Variants in RBFOX1 observed in about 807,000 individuals in gnomAD.
RBFOX1 encodes RNA binding protein fox-1 homolog 1.
A neutral mutation model predicts 57.7 loss-of-function variants in RBFOX1; 8 were observed. That is an observed-to-expected ratio of 0.14 (90% CI 0.08 to 0.25). The LOEUF is 0.25. Ranked by LOEUF, RBFOX1 falls within the 10% of genes least tolerant of loss-of-function variation. RBFOX1 has a pLI of 1.00. For missense variants in RBFOX1, 611 were observed against 548.5 expected (o/e 1.11, Z -1.14); for synonymous variants, 326 against 222.4 (o/e 1.47, Z -4.15).
rs868377032 is a variant in RBFOX1 at position 7,186,401 on chromosome 16, A to G, written c.27+134303A>G. ...ACATAAACATATTTATATAAATATA[A>G]ACATAAACATATTTATATAAATATA... On this transcript the variant is annotated intron_variant, in intron 4 of 15. Transcript: ENST00000550418. Among the ~76,000 whole-genome samples the G allele has an allele frequency of 5.9e-5, 5 of 84,726 alleles. 1 individual carries two copies. Among genetic ancestry groups the G allele is most frequent in the Non-Finnish European group, 8.2e-5 (4 of 48,852 alleles). 55.6% of individuals were successfully genotyped at this position (84,726 alleles called of 152,430 possible).
At chr16:7,358,300 A>T (rs2097256221) in intron 4 of RBFOX1, among the ~76,000 whole-genome samples, 1 of 152,256 alleles carries the variant, frequency 6.6e-6, no homozygotes, top group Non-Finnish European at 1.5e-5. Flanking sequence ...GGGACAGGTG[A>T]CAGTGGCATC....
intron 1 of RBFOX1, chr16:5,366,246 C>T: frequency 2.5e-6 from 1 of 402,718 alleles, no homozygotes; most frequent in African/African-American, 2.1e-5. Context: ...CATGGTTCCA[C>T]AGAAAAAAGT....
chr16:5,319,206 C>T (rs535075466), intron 1 of RBFOX1, among the ~76,000 whole-genome samples: 2 of 152,232 alleles, frequency 1.3e-5, no homozygotes, highest in African/African-American at 4.8e-5. Flanking sequence ...GTCAGAGATT[C>T]GAAGCATAAG....
At chr16:6,365,725 G>C (rs1239222998) in intron 2 of RBFOX1, among the ~76,000 whole-genome samples, 1 of 152,186 alleles carries the variant, frequency 6.6e-6, no homozygotes, top group African/African-American at 2.4e-5. Flanking sequence ...ATTTAGGTCT[G>C]AGCACCATGT....
intron 5 of RBFOX1, among the ~76,000 whole-genome samples, chr16:7,543,838 A>T (rs1250476355): frequency 6.6e-6 from 1 of 151,738 alleles, no homozygotes; most frequent in South Asian, 2.1e-4. Context: ...CTCCTGCCTC[A>T]CTCTCCCGAG....
intron 4 of RBFOX1, among the ~76,000 whole-genome samples, chr16:5,871,495 A>G (rs1182381293): frequency 6.6e-6 from 1 of 152,194 alleles, no homozygotes; most frequent in Non-Finnish European, 1.5e-5. Flanking sequence ...CTTCAAAATC[A>G]TTAAGCCTGT....
At chr16:6,805,094 A>G (rs1374234167) in intron 3 of RBFOX1, among the ~76,000 whole-genome samples, 1 of 152,168 alleles carries the variant, frequency 6.6e-6, no homozygotes, top group East Asian at 1.9e-4. Context: ...ATGCACGTGA[A>G]TGTTCACTGC....
intron 2 of RBFOX1, among the ~76,000 whole-genome samples, chr16:6,448,015 A>C (rs2094519238): frequency 6.6e-6 from 1 of 152,120 alleles, no homozygotes; most frequent in South Asian, 2.1e-4. Flanking sequence ...TAAGCATGGT[A>C]GTTAGAGTGT....
At chr16:7,590,134 A>T (rs1301019579) in intron 7 of RBFOX1, among the ~76,000 whole-genome samples, 1 of 151,948 alleles carries the variant, frequency 6.6e-6, no homozygotes, top group East Asian at 1.9e-4. Flanking sequence ...GGGCATGGTG[A>T]TATACACCTG....
At chr16:5,753,632 T>C (rs549108125) in intron 3 of RBFOX1, among the ~76,000 whole-genome samples, 92 of 152,264 alleles carry the variant, frequency 6.0e-4, no homozygotes, top group Non-Finnish European at 1.2e-3. Flanking sequence ...TGATGTCATA[T>C]TGGCAGCTAG....
At chr16:7,657,256 G>A (rs537293078) in intron 12 of RBFOX1, among the ~76,000 whole-genome samples, 142 of 152,246 alleles carry the variant, frequency 9.3e-4, no homozygotes, top group African/African-American at 3.4e-3. Flanking sequence ...CATAAAGATA[G>A]TCACACCAGT....
At chr16:7,526,455 C>T (rs2078730990) in intron 5 of RBFOX1, among the ~76,000 whole-genome samples, 2 of 152,190 alleles carry the variant, frequency 1.3e-5, no homozygotes, top group Admixed American at 6.5e-5. Context: ...AACCTCTCTG[C>T]TCTTATTTTT....
chr16:6,083,832 C>T (rs1162326165), intron 1 of RBFOX1, among the ~76,000 whole-genome samples: 2 of 152,172 alleles, frequency 1.3e-5, no homozygotes, highest in East Asian at 3.9e-4. Context: ...ACCCACCTTC[C>T]CATCTTCTCT....
chr16:6,644,072 G>T (rs947103370), intron 2 of RBFOX1, among the ~76,000 whole-genome samples: 2 of 152,136 alleles, frequency 1.3e-5, no homozygotes, highest in African/African-American at 4.8e-5. Context: ...TTTGCAGTGA[G>T]CCAAGATCAC....
At chr16:6,878,467 C>G (rs532882182) in intron 3 of RBFOX1, among the ~76,000 whole-genome samples, 1 of 152,182 alleles carries the variant, frequency 6.6e-6, no homozygotes, top group South Asian at 2.1e-4. Flanking sequence ...CTGTCTCTTA[C>G]CACCAAATCC....
At chr16:6,629,135 T>C (rs1314211384) in intron 2 of RBFOX1, among the ~76,000 whole-genome samples, 1 of 152,242 alleles carries the variant, frequency 6.6e-6, no homozygotes, top group Non-Finnish European at 1.5e-5. Context: ...TGGTTACATA[T>C]ATGTGTGTAT....
intron 3 of RBFOX1, among the ~76,000 whole-genome samples, chr16:5,818,672 A>T (rs2055734921): frequency 6.6e-6 from 1 of 152,212 alleles, no homozygotes; most frequent in South Asian, 2.1e-4. Flanking sequence ...TCAGCATGGG[A>T]GGAAGAAAAC....
At chr16:7,149,113 G>T (rs1315227772) in intron 4 of RBFOX1, among the ~76,000 whole-genome samples, 1 of 152,122 alleles carries the variant, frequency 6.6e-6, no homozygotes, top group African/African-American at 2.4e-5. Flanking sequence ...TGAAAACCCA[G>T]GTTTCCAGAC....
chr16:7,376,446 G>A (rs1026473633), intron 4 of RBFOX1, among the ~76,000 whole-genome samples: 1 of 152,212 alleles, frequency 6.6e-6, no homozygotes. Context: ...AACAGGTTAA[G>A]TGATTTTTGC....
Sources: allele counts gnomAD v4.1 joint callset (sites outside exome capture counted in the v4.1 genomes callset), GRCh38; gene constraint gnomAD v4.1.1; transcripts MANE v1.5; gene names NCBI Gene and HGNC (gene_info 2026-07-23, HGNC 2026-07-21).